Variants in RFX8 observed in about 807,000 individuals in gnomAD.
The protein encoded by RFX8 is DNA-binding protein RFX8.
In RFX8, 46 loss-of-function variants were observed where a neutral mutation model predicts 54.6. The observed-to-expected ratio is 0.84, with a 90% CI of 0.67 to 1.08. RFX8 has a LOEUF of 1.08. RFX8 is among the 50% of genes least tolerant of loss of function. RFX8 has a pLI of 0.00. For synonymous variants in RFX8, 192 were observed against 209.5 expected (o/e 0.92, Z 0.72); for missense variants, 536 against 562.3 (o/e 0.95, Z 0.47).
At chr2:101,455,450 T>C (rs915422195) in intron 2 of RFX8, among the ~76,000 whole-genome samples, 26 of 152,236 alleles carry the variant, frequency 1.7e-4, no homozygotes, top group African/African-American at 5.8e-4. Context: ...CCAGTTTTCA[T>C]AGCAACATTT....
At chr2:101,421,320 C>T in intron 4 of RFX8, 1 of 989,794 alleles carries the variant, frequency 1.0e-6, no homozygotes, top group Non-Finnish European at 1.2e-6. Flanking sequence ...AATACCCATG[C>T]CAGATCACTC....
chr2:101,407,184 A>G (rs376040405), intron 9 of RFX8, among the ~76,000 whole-genome samples: 4 of 152,318 alleles, frequency 2.6e-5, no homozygotes, highest in African/African-American at 9.6e-5. Flanking sequence ...CAAACAAAGA[A>G]TGCCCTTTCT....
In RFX8 at chr2:101,469,060, ATATATG is replaced by A. The variant is rs1558896489; in HGVS notation, c.-52-2166_-52-2161del. Among the ~76,000 whole-genome samples, 88 of 21,750 alleles carry A rather than the reference ATATATG, an allele frequency of 4.0e-3. 3 individuals carry two copies. Among genetic ancestry groups the A allele is most frequent in the African/African-American group, 8.7e-3 (67 of 7,668 alleles). The allele number at this position is 21,750 out of a possible 152,430, so 14.3% of individuals were successfully genotyped here. ...TATATATGTATATATATATACGTATATATATGTATATATATATAAGTGTATATATAT... is the reference window on the plus strand; with the variant it reads ...TATATATGTATATATATATACGTATATATATATATATAAGTGTATATATAT... On this transcript the variant is annotated intron_variant, in intron 1 of 11. Transcript: ENST00000428343.
intron 8 of RFX8, 35 bp downstream of exon 8, chr2:101,412,880 C>A (rs1406855608): frequency 6.5e-7 from 1 of 1,537,404 alleles, no homozygotes; most frequent in Non-Finnish European, 8.8e-7. Context: ...CTATGCCCAA[C>A]ACGCCAATAA....
chr2:101,469,673 T>C (rs1272500349), intron 1 of RFX8, among the ~76,000 whole-genome samples: 1 of 152,154 alleles, frequency 6.6e-6, no homozygotes, highest in Non-Finnish European at 1.5e-5. Context: ...AAATGAACTC[T>C]AGTTTTCCAT....
intron 4 of RFX8, chr2:101,421,357 G>C: frequency 1.0e-6 from 1 of 999,760 alleles, no homozygotes; most frequent in Non-Finnish European, 1.2e-6. Context: ...TCCATCTTCA[G>C]TTAGCGCGTA....
intron 3 of RFX8, among the ~76,000 whole-genome samples, 158 bp from the exon 4 acceptor site, chr2:101,421,935 C>T (rs947092445): frequency 1.3e-5 from 2 of 152,140 alleles, no homozygotes; most frequent in African/African-American, 4.8e-5. Context: ...TTTTTTGTTT[C>T]TATGAACTAA....
At chr2:101,422,340 C>A in intron 3 of RFX8, 22 bp downstream of exon 3, 3 of 1,201,208 alleles carry the variant, frequency 2.5e-6, no homozygotes, top group Non-Finnish European at 3.6e-6. Context: ...AAAGGCTAAT[C>A]TCCCCATGAG....
chr2:101,441,727 GGA>G (rs1357858984), intron 2 of RFX8, among the ~76,000 whole-genome samples: 1 of 152,070 alleles, frequency 6.6e-6, no homozygotes, highest in East Asian at 1.9e-4. Context: ...TGCTATCTGT[GGA>G]TTAATGTTTG....
intron 2 of RFX8, among the ~76,000 whole-genome samples, chr2:101,433,618 T>G (rs919067050): frequency 6.6e-6 from 1 of 152,250 alleles, no homozygotes; most frequent in Non-Finnish European, 1.5e-5. Flanking sequence ...TCTCAGGTTT[T>G]GACATCATCT....
chr2:101,469,112 A>ATATATAAGTATATATATATAAG (rs1689819866), intron 1 of RFX8, among the ~76,000 whole-genome samples: 1 of 121,448 alleles, frequency 8.2e-6, no homozygotes, highest in Non-Finnish European at 1.7e-5. Context: ...ATATAAGTGT[A>ATATATAAGTATATATATATAAG]TATATATATA....
chr2:101,414,888 A>G lies in RFX8; in HGVS notation c.527T>C (p.Leu176Pro), dbSNP rs762232108. Residue 176 changes from leucine (L) to proline (P), a missense_variant, in exon 7 of 12, where the codon CTA becomes CCA. Transcript: ENST00000428343. ...LKEVTLFVKRLRRKTYLSNMA... is the reference protein window; with the variant it reads ...LKEVTLFVKRPRRKTYLSNMA... ...GTTGGAAAGGTACGTCTTTCTTCTT[A>G]GTCTTTTGACAAATAGAGTAACTTC... 61 of 1,550,438 alleles carry G rather than the reference A, an allele frequency of 3.9e-5. No homozygotes were observed. Among genetic ancestry groups the G allele is most frequent in the Non-Finnish European group, 5.0e-5 (57 of 1,146,460 alleles).
At chr2:101,437,444 G>T (rs1687840233) in intron 2 of RFX8, among the ~76,000 whole-genome samples, 1 of 152,068 alleles carries the variant, frequency 6.6e-6, no homozygotes, top group Non-Finnish European at 1.5e-5. Context: ...CAGGTATGAT[G>T]GTGCCTGCCT....
chr2:101,449,249 T>C (rs1688553415), intron 2 of RFX8, among the ~76,000 whole-genome samples: 1 of 152,162 alleles, frequency 6.6e-6, no homozygotes, highest in Non-Finnish European at 1.5e-5. Context: ...TTGGCCTTTA[T>C]CCAGGAGGTA....
rs1465551491 is a variant in RFX8, at chr2:101,422,439, C to G, written c.106G>C (p.Val36Leu). The G allele has an allele frequency of 5.8e-6, 9 of 1,549,922 alleles. No individual in the cohort carries two copies. The highest frequency in any genetic ancestry group is 3.3e-4 in the Middle Eastern group (2 of 6,006). The stretch of plus-strand genomic sequence containing the variant: ...CTGAATTCAGACAAAGGGGATCCAA[C>G]TGGGTCTGTCTTCATCGGTGAATGA... ...EDHSPMKTDPVGSPLSEFRRC... is the reference protein window; with the variant it reads ...EDHSPMKTDPLGSPLSEFRRC... Residue 36 changes from valine to leucine, a missense_variant, in exon 3 of 12, where the codon GTT becomes CTT. Val to Leu is a conservative substitution (Grantham distance 32). Transcript: ENST00000428343.
At chr2:101,440,874 G>A (rs4850976) in intron 2 of RFX8, among the ~76,000 whole-genome samples, 114,642 of 151,560 alleles carry the variant, frequency 0.76, 44,314 homozygotes, top group Middle Eastern at 0.88. Context: ...CATTTAGGAT[G>A]GTTATGTCTT....
chr2:101,414,917 TAAG>T lies in RFX8; in HGVS notation c.503-8_503-6del, dbSNP rs1367600633. 4.5e-6 allele frequency: 7 copies of T among 1,547,240 alleles called. No homozygotes were observed. In the Middle Eastern group the frequency reaches 8.3e-4, roughly 184 times the overall value. On this transcript the variant is annotated splice_polypyrimidine_tract_variant and splice_region_variant and intron_variant, in intron 6 of 11. Transcript: ENST00000428343. ...TTTTGACAAATAGAGTAACTTCTGT[TAAG>T]AACAACACACGTGGCCATTAATACA... is the stretch of plus-strand genomic sequence containing the variant.
At position 101,455,694 on chromosome 2, in the gene RFX8, T is replaced by C. The variant is rs1028651062; in HGVS notation, c.72+11083A>G. 2.0e-5 allele frequency among the ~76,000 whole-genome samples: 3 copies of C among 152,340 alleles called. No individual in the cohort carries two copies. The East Asian group carries it at 5.8e-4, about 29-fold the overall frequency. ...TTTTGGCCTAGGATTATCTTGGCTATGCAGGCTCCTTTATGGTTCCATATG... is the reference window on the plus strand; with the variant it reads ...TTTTGGCCTAGGATTATCTTGGCTACGCAGGCTCCTTTATGGTTCCATATG... On this transcript the variant is annotated intron_variant, in intron 2 of 11. Coordinates refer to ENST00000428343, the MANE Select transcript of RFX8 (RefSeq NM_001145664.2).
chr2:101,437,573 CA>C (rs200887619), intron 2 of RFX8, among the ~76,000 whole-genome samples: 1 of 129,986 alleles, frequency 7.7e-6, no homozygotes, highest in Non-Finnish European at 1.6e-5. Flanking sequence ...ACAGGTGTTT[CA>C]AAAAAAAGAA....
Sources: allele counts gnomAD v4.1 joint callset (sites outside exome capture counted in the v4.1 genomes callset), GRCh38; gene constraint gnomAD v4.1.1; transcripts MANE v1.5; gene names NCBI Gene and HGNC (gene_info 2026-07-23, HGNC 2026-07-21).